Variants in KCNQ5 observed in about 807,000 individuals in gnomAD.
KCNQ5 encodes the protein potassium voltage-gated channel subfamily Q member 5, also known as potassium voltage-gated channel subfamily KQT member 5.
KCNQ5 carries 30 observed loss-of-function variants against 98.2 expected under a neutral mutation model. That is an observed-to-expected ratio of 0.31 (90% CI 0.23 to 0.41). The LOEUF is 0.41. Among genes scored for constraint, KCNQ5 ranks in the 10% least tolerant of loss-of-function variants. The probability of loss-of-function intolerance (pLI) is 1.00; values close to 1 mark genes in which losing one functional copy is unlikely to be tolerated. For missense variants in KCNQ5, 835 were observed against 1,182.5 expected (o/e 0.71, Z 4.31); for synonymous variants, 458 against 449.4 (o/e 1.02, Z -0.24).
intron 1 of KCNQ5, among the ~76,000 whole-genome samples, chr6:73,001,271 C>T (rs537969867): frequency 6.6e-6 from 1 of 152,286 alleles, no homozygotes; most frequent in East Asian, 1.9e-4. Flanking sequence ...AATGTGTTCA[C>T]TTTGCCCACC....
Position 72,884,122 on chromosome 6 carries a change from A to G in KCNQ5, c.399-119786A>G, listed in dbSNP as rs114390792. On this transcript the variant is annotated intron_variant, in intron 1 of 13. Transcript: ENST00000370398. ...AACTCAATTTAAAAACCTGATACAT[A>G]TCAAACAACTGAGGTTTGAATTATT... Among the ~76,000 whole-genome samples, 887 of 152,330 alleles carry G rather than the reference A, an allele frequency of 5.8e-3. 9 individuals carry two copies. The highest frequency in any genetic ancestry group is 0.02 in the African/African-American group (835 of 41,576).
chr6:72,822,653 AT>A (rs770154787), intron 1 of KCNQ5, among the ~76,000 whole-genome samples: 5 of 152,140 alleles, frequency 3.3e-5, no homozygotes, highest in Non-Finnish European at 5.9e-5. Flanking sequence ...AGGGTCTAGC[AT>A]TTATGGAGAA....
chr6:72,840,244 T>C (rs1776731517), intron 1 of KCNQ5, among the ~76,000 whole-genome samples: 1 of 152,218 alleles, frequency 6.6e-6, no homozygotes, highest in Non-Finnish European at 1.5e-5. Flanking sequence ...CTCTTTGACA[T>C]ACTGATTTCA....
At position 73,158,404 on chromosome 6, in the gene KCNQ5, C is replaced by A. The variant is rs2150490509; in HGVS notation, c.1469-11342C>A. 2.0e-5 allele frequency among the ~76,000 whole-genome samples: 3 copies of A among 151,954 alleles called. No homozygotes were observed. The Middle Eastern group carries it at 0.01, about 517-fold the overall frequency. ...GCCTCGGCCTCCCGAGTAGCTGGGA[C>A]TACAGGCGCCCACCACCACGCCTGG... On this transcript the variant is annotated intron_variant, in intron 10 of 13. Coordinates refer to ENST00000370398, the MANE Select transcript of KCNQ5 (RefSeq NM_019842.4).
chr6:73,192,197 C>T (rs555774396), intron 12 of KCNQ5, among the ~76,000 whole-genome samples: 2 of 152,296 alleles, frequency 1.3e-5, no homozygotes, highest in South Asian at 4.1e-4. Flanking sequence ...ACAATAGATG[C>T]TCATAGAATA....
intron 10 of KCNQ5, among the ~76,000 whole-genome samples, chr6:73,149,757 G>A (rs149732921): frequency 2.7e-4 from 41 of 149,680 alleles, no homozygotes; most frequent in South Asian, 8.5e-4. Context: ...AGATTGGGCC[G>A]CTGTACTCCA....
intron 10 of KCNQ5, among the ~76,000 whole-genome samples, chr6:73,155,391 C>G (rs1777320536): frequency 6.6e-6 from 1 of 152,144 alleles, no homozygotes; most frequent in Non-Finnish European, 1.5e-5. Context: ...TAGAAATTAC[C>G]AGCCAAACAA....
At chr6:72,789,831 A>G (rs1773940196) in intron 1 of KCNQ5, among the ~76,000 whole-genome samples, 1 of 152,188 alleles carries the variant, frequency 6.6e-6, no homozygotes, top group Non-Finnish European at 1.5e-5. Flanking sequence ...ATAGAACCCT[A>G]TATTTGTAAA....
chr6:73,177,200 A>C (rs1219470502), intron 11 of KCNQ5, among the ~76,000 whole-genome samples: 2 of 152,224 alleles, frequency 1.3e-5, no homozygotes, highest in Admixed American at 6.5e-5. Flanking sequence ...CTTCGGAGAA[A>C]AATTCAGTAG....
intron 1 of KCNQ5, among the ~76,000 whole-genome samples, chr6:72,933,341 TTTCTA>T (rs1369970160): frequency 6.6e-6 from 1 of 152,212 alleles, no homozygotes; most frequent in Non-Finnish European, 1.5e-5. Flanking sequence ...ATCTGATTAG[TTTCTA>T]TCATCTGTTG....
chr6:73,093,594 G>A (rs189630534), intron 5 of KCNQ5, among the ~76,000 whole-genome samples: 4 of 152,080 alleles, frequency 2.6e-5, no homozygotes, highest in Non-Finnish European at 5.9e-5. Context: ...CAGAGATCTT[G>A]ATATGTTGTG....
chr6:72,639,565 A>C (rs938262449), intron 1 of KCNQ5, among the ~76,000 whole-genome samples: 5 of 152,140 alleles, frequency 3.3e-5, no homozygotes, highest in Non-Finnish European at 7.4e-5. Flanking sequence ...TATAACTAGG[A>C]TGGGGACTCC....
chr6:73,016,083 A>G (rs543881520), intron 2 of KCNQ5, among the ~76,000 whole-genome samples: 1 of 152,300 alleles, frequency 6.6e-6, no homozygotes, highest in South Asian at 2.1e-4. Flanking sequence ...AAGACCTAGA[A>G]TAAACAAACA....
chr6:73,033,232 T>C (rs1452390211), intron 2 of KCNQ5, among the ~76,000 whole-genome samples: 1 of 152,096 alleles, frequency 6.6e-6, no homozygotes, highest in East Asian at 1.9e-4. Context: ...CTCCAGCCCA[T>C]ATGGTCTCAA....
At chr6:72,893,804 G>T (rs1229728668) in intron 1 of KCNQ5, among the ~76,000 whole-genome samples, 1 of 152,056 alleles carries the variant, frequency 6.6e-6, no homozygotes, top group East Asian at 1.9e-4. Context: ...CACAGTGCTT[G>T]GTACAATCAC....
At chr6:73,124,213 C>T (rs145851026) in intron 8 of KCNQ5, among the ~76,000 whole-genome samples, 6 of 152,294 alleles carry the variant, frequency 3.9e-5, no homozygotes, top group African/African-American at 1.2e-4. Context: ...CCATGGATAG[C>T]TTTGGCTAAT....
At chr6:73,055,841 G>A in intron 3 of KCNQ5, 1 of 709,980 alleles carries the variant, frequency 1.4e-6, no homozygotes, top group South Asian at 1.4e-5. Context: ...GCTGCCCAGG[G>A]CAAAGCCAAG....
At chr6:72,985,287 A>G (rs541365469) in intron 1 of KCNQ5, among the ~76,000 whole-genome samples, 1 of 152,350 alleles carries the variant, frequency 6.6e-6, no homozygotes, top group South Asian at 2.1e-4. Context: ...CAAAGAACTC[A>G]GATTTTTTAC....
chr6:73,062,670 T>C (rs1217123257), intron 3 of KCNQ5, among the ~76,000 whole-genome samples: 1 of 152,236 alleles, frequency 6.6e-6, no homozygotes, highest in Non-Finnish European at 1.5e-5. Context: ...ATTTTTTGCC[T>C]GCATTTTTTA....
Sources: gnomAD v4.1 joint callset for allele counts (sites outside exome capture counted in the v4.1 genomes callset) on GRCh38, gnomAD v4.1.1 for gene constraint, MANE v1.5 for transcripts, NCBI Gene and HGNC (gene_info 2026-07-23, HGNC 2026-07-21) for gene names.